GALNT13: variants seen among roughly 807,000 people sequenced by gnomAD.
The protein encoded by GALNT13 is polypeptide N-acetylgalactosaminyltransferase 13.
Under a neutral mutation model 64.2 loss-of-function variants are expected in GALNT13, and 28 were observed. The ratio of observed to expected loss-of-function variants is 0.44; its 90% CI spans 0.32 to 0.60. GALNT13 has a LOEUF of 0.60. GALNT13 is among the 20% of genes least tolerant of loss of function. GALNT13 has a pLI of 0.05. For synonymous variants in GALNT13, 214 were observed against 224.6 expected, an observed-to-expected ratio of 0.95 and a Z score of 0.42; for missense variants, 577 against 669.8, an observed-to-expected ratio of 0.86 and a Z score of 1.53.
the GALNT13 span, among the ~76,000 whole-genome samples, chr2:153,355,574 G>A: frequency 6.6e-6 from 1 of 152,134 alleles, no homozygotes; most frequent in South Asian, 2.1e-4. Context: ...TGAAAACAAT[G>A]GATCAAAAGT....
chr2:153,149,895 C>A, the GALNT13 span, among the ~76,000 whole-genome samples: 1 of 151,752 alleles, frequency 6.6e-6, no homozygotes, highest in Non-Finnish European at 1.5e-5. Context: ...ATAAGAGGAA[C>A]ATTTATTTTA....
At chr2:153,408,256 A>T in the GALNT13 span, among the ~76,000 whole-genome samples, 1 of 151,492 alleles carries the variant, frequency 6.6e-6, no homozygotes, top group Non-Finnish European at 1.5e-5. Flanking sequence ...CTGGTTGCCA[A>T]TAGAGGAAGA....
At chr2:154,355,328 A>G (rs1487528854) in intron 9 of GALNT13, among the ~76,000 whole-genome samples, 4 of 152,126 alleles carry the variant, frequency 2.6e-5, no homozygotes, top group Non-Finnish European at 4.4e-5. Flanking sequence ...ACCACATGAC[A>G]TGGCTGATAT....
the GALNT13 span, among the ~76,000 whole-genome samples, chr2:153,579,873 A>C: frequency 7.2e-5 from 11 of 151,898 alleles, no homozygotes; most frequent in Admixed American, 5.9e-4. Context: ...GTTTCATCCC[A>C]AAACAATCCC....
chr2:153,488,577 A>G, the GALNT13 span, among the ~76,000 whole-genome samples: 1 of 152,210 alleles, frequency 6.6e-6, no homozygotes, highest in Non-Finnish European at 1.5e-5. Context: ...ACTGCATTCC[A>G]CAACATCATT....
the GALNT13 span, among the ~76,000 whole-genome samples, chr2:153,151,573 A>G: frequency 6.6e-6 from 1 of 152,156 alleles, no homozygotes; most frequent in South Asian, 2.1e-4. Flanking sequence ...AAGACTTGGA[A>G]TCAACCCAAA....
At chr2:153,512,359 C>T in the GALNT13 span, among the ~76,000 whole-genome samples, 1 of 152,146 alleles carries the variant, frequency 6.6e-6, no homozygotes, top group African/African-American at 2.4e-5. Context: ...CACTTCTAGA[C>T]ACCATGAACA....
chr2:153,233,486 T>A, the GALNT13 span, among the ~76,000 whole-genome samples: 290 of 150,460 alleles, frequency 1.9e-3, 2 homozygotes, highest in Middle Eastern at 7.0e-3. Flanking sequence ...ACCTTATTTT[T>A]AAAAAAAAAA....
chr2:154,396,313 C>A (rs1699049516), intron 10 of GALNT13, among the ~76,000 whole-genome samples, 183 bp downstream of exon 10: 1 of 151,840 alleles, frequency 6.6e-6, no homozygotes. Flanking sequence ...TAAAAATGAG[C>A]AGAAATTTTA....
chr2:153,454,073 A>T, the GALNT13 span, among the ~76,000 whole-genome samples: 1 of 152,140 alleles, frequency 6.6e-6, no homozygotes, highest in Non-Finnish European at 1.5e-5. Context: ...ACAATGGATA[A>T]TCATGACCAT....
chr2:153,996,803 G>C (rs751102060), intron 3 of GALNT13, among the ~76,000 whole-genome samples: 4 of 152,016 alleles, frequency 2.6e-5, no homozygotes, highest in Non-Finnish European at 5.9e-5. Context: ...GTAGTTACAG[G>C]TCTTATATTT....
At chr2:153,695,531 G>A in the GALNT13 span, among the ~76,000 whole-genome samples, 12 of 152,216 alleles carry the variant, frequency 7.9e-5, no homozygotes, top group Admixed American at 6.5e-5. Flanking sequence ...CATGATCAGC[G>A]GAATTGATGG....
chr2:154,358,385 C>T (rs1696869168), intron 9 of GALNT13, among the ~76,000 whole-genome samples: 1 of 152,036 alleles, frequency 6.6e-6, no homozygotes, highest in Non-Finnish European at 1.5e-5. Flanking sequence ...ATACTAAATG[C>T]TCTGGCTAAA....
chr2:153,265,619 G>A, the GALNT13 span, among the ~76,000 whole-genome samples: 1 of 152,156 alleles, frequency 6.6e-6, no homozygotes, highest in Non-Finnish European at 1.5e-5. Flanking sequence ...TCTTTAATAT[G>A]TTAAAACCAG....
intron 4 of GALNT13, among the ~76,000 whole-genome samples, chr2:154,198,850 A>G (rs1273172152): frequency 1.3e-5 from 2 of 152,068 alleles, no homozygotes; most frequent in East Asian, 3.9e-4. Flanking sequence ...AGAGGTTTAG[A>G]TGTGCTACCT....
At chr2:154,242,240 T>C in intron 5 of GALNT13, 44 bp downstream of exon 5, 1 of 1,560,106 alleles carries the variant, frequency 6.4e-7, no homozygotes, top group Non-Finnish European at 8.8e-7. Flanking sequence ...TTTTGTTTTG[T>C]TTTGTTTTGT....
chr2:153,402,500 C>T, the GALNT13 span, among the ~76,000 whole-genome samples: 2 of 152,014 alleles, frequency 1.3e-5, no homozygotes, highest in African/African-American at 2.4e-5. Context: ...GGAAGTTCTC[C>T]TGGATAATAT....
chr2:153,776,035 A>T, the GALNT13 span, among the ~76,000 whole-genome samples: 1 of 152,206 alleles, frequency 6.6e-6, no homozygotes, highest in Non-Finnish European at 1.5e-5. Flanking sequence ...GTGAATCAAT[A>T]GGAAACTTCG....
the GALNT13 span, among the ~76,000 whole-genome samples, chr2:153,771,777 C>T: frequency 6.6e-6 from 1 of 152,068 alleles, no homozygotes; most frequent in Non-Finnish European, 1.5e-5. Flanking sequence ...AGAAAAAGAG[C>T]AAAAACTTAC....
Sources: gnomAD v4.1 joint callset for allele counts (sites outside exome capture counted in the v4.1 genomes callset) on GRCh38, gnomAD v4.1.1 for gene constraint, MANE v1.5 for transcripts, NCBI Gene and HGNC (gene_info 2026-07-23, HGNC 2026-07-21) for gene names.